The following EFCAB5 variants were observed in gnomAD, a reference collection of about 807,000 sequenced individuals.
The protein encoded by EFCAB5 is EF-hand calcium binding domain 5.
In EFCAB5, 131 loss-of-function variants were observed where a neutral mutation model predicts 167.9. That is an observed-to-expected ratio of 0.78 (90% CI 0.68 to 0.90). The LOEUF (loss-of-function observed/expected upper bound fraction) is 0.90. EFCAB5 is among the 40% of genes least tolerant of loss of function. The pLI, the probability that EFCAB5 is intolerant of heterozygous loss-of-function variation, is 0.00. For missense variants in EFCAB5, 1,663 were observed against 1,745.2 expected, an observed-to-expected ratio of 0.95 and a Z score of 0.84; for synonymous variants, 574 against 602.8, an observed-to-expected ratio of 0.95 and a Z score of 0.70.
Position 29,959,784 on chromosome 17 carries a change from T to A in EFCAB5, c.191-9007T>A, listed in dbSNP as rs546721567. Among the ~76,000 whole-genome samples the A allele has an allele frequency of 6.0e-4, 91 of 152,256 alleles. 2 individuals carry two copies. Among genetic ancestry groups the A allele is most frequent in the African/African-American group, 1.6e-3 (66 of 41,544 alleles). ...TCTCTGCCGAAGCTACGAGCTGCACTGTCTGGAGTTGGGGGAGGGGTGACA... is the reference window on the plus strand; with the variant it reads ...TCTCTGCCGAAGCTACGAGCTGCACAGTCTGGAGTTGGGGGAGGGGTGACA... On this transcript the variant is annotated intron_variant, in intron 3 of 22. Coordinates refer to ENST00000394835, the MANE Select transcript of EFCAB5 (RefSeq NM_198529.4).
intron 8 of EFCAB5, among the ~76,000 whole-genome samples, chr17:30,043,557 AGTCAATT>A (rs1212952563): frequency 2.0e-5 from 3 of 152,222 alleles, no homozygotes; most frequent in Non-Finnish European, 2.9e-5. Flanking sequence ...AATACATGGA[AGTCAATT>A]GTATTTCTAC....
intron 14 of EFCAB5, 132 bp downstream of exon 14, chr17:30,059,833 T>C: frequency 1.7e-6 from 1 of 596,250 alleles, no homozygotes; most frequent in Non-Finnish European, 2.5e-6. Context: ...CCAGTATAGA[T>C]ATACATTTAT....
chr17:30,024,319 G>C (rs2069258750), intron 7 of EFCAB5, among the ~76,000 whole-genome samples: 1 of 152,124 alleles, frequency 6.6e-6, no homozygotes, highest in Non-Finnish European at 1.5e-5. Context: ...AAGCTGATAA[G>C]CAACTTCAGC....
In EFCAB5 at chr17:29,953,845, C is replaced by T. The variant is rs191056429; in HGVS notation, c.190+10196C>T. On this transcript the variant is annotated intron_variant, in intron 3 of 22. Coordinates refer to ENST00000394835, the MANE Select transcript of EFCAB5 (RefSeq NM_198529.4). ...TGGAACTTCCTAGAGACTTGTTGAACGGCTTTGGCCAAAGTGCTTATAGTG... is the reference window on the plus strand; with the variant it reads ...TGGAACTTCCTAGAGACTTGTTGAATGGCTTTGGCCAAAGTGCTTATAGTG... 3.7e-4 allele frequency among the ~76,000 whole-genome samples: 57 copies of T among 152,298 alleles called. No individual in the cohort carries two copies. The East Asian group carries it at 9.9e-3, about 26-fold the overall frequency.
intron 7 of EFCAB5, among the ~76,000 whole-genome samples, chr17:30,016,348 T>C (rs1159160249): frequency 2.0e-5 from 3 of 152,202 alleles, no homozygotes; most frequent in East Asian, 1.9e-4. Flanking sequence ...TCCTGTGTTT[T>C]CTTCTGAGAG....
intron 7 of EFCAB5, among the ~76,000 whole-genome samples, chr17:30,014,920 T>A (rs1446167986): frequency 6.6e-6 from 1 of 152,228 alleles, no homozygotes; most frequent in Non-Finnish European, 1.5e-5. Context: ...TTGGCATGTT[T>A]TTGCAGTGGC....
intron 8 of EFCAB5, among the ~76,000 whole-genome samples, chr17:30,048,968 TA>T (rs555583505): frequency 3.4e-4 from 52 of 152,256 alleles, no homozygotes; most frequent in Admixed American, 2.8e-3. Context: ...CTGTCAAGAA[TA>T]GCAATACTTT....
At chr17:30,082,864 G>A (rs2071016338) in intron 17 of EFCAB5, 27 bp from the exon 18 acceptor site, 2 of 1,587,156 alleles carry the variant, frequency 1.3e-6, no homozygotes, top group Non-Finnish European at 1.7e-6. Context: ...AAAAAGAATA[G>A]GCTATTTGAA....
Position 30,092,094 on chromosome 17 carries a change from C to G in EFCAB5, c.4161C>G (p.Ile1387Met), listed in dbSNP as rs1209203815. ...TGCGTGACATCCTGAAGGCGGTTAT[C>G]TTGTTCTTTCATCCAGAGTTGGAAT... ...KLVRDILKAV[I>M]LFFHPELEFS... The change falls in exon 21 of 23, where the codon ATC becomes ATG. Residue 1387 changes from isoleucine to methionine, a missense_variant. Transcript: ENST00000394835. 6.2e-7 allele frequency: 1 copy of G among 1,613,910 alleles called. No individual in the cohort carries two copies. Among genetic ancestry groups the G allele is most frequent in the Non-Finnish European group, 8.5e-7 (1 of 1,179,866 alleles).
At chr17:30,075,990 A>G (rs1188212803) in intron 14 of EFCAB5, among the ~76,000 whole-genome samples, 1 of 152,238 alleles carries the variant, frequency 6.6e-6, no homozygotes, top group Non-Finnish European at 1.5e-5. Flanking sequence ...CTCAAGTAAG[A>G]GAGAACACAA....
intron 6 of EFCAB5, among the ~76,000 whole-genome samples, chr17:29,997,452 T>C (rs940725305): frequency 6.6e-6 from 1 of 151,868 alleles, no homozygotes. Flanking sequence ...AATGAATATA[T>C]ATATATATAT....
intron 3 of EFCAB5, among the ~76,000 whole-genome samples, chr17:29,954,405 T>C (rs1325804661): frequency 2.6e-5 from 4 of 152,176 alleles, no homozygotes; most frequent in Non-Finnish European, 5.9e-5. Flanking sequence ...CCACTCCAGC[T>C]GTGGCTAAAA....
intron 3 of EFCAB5, among the ~76,000 whole-genome samples, chr17:29,967,489 C>T (rs560005200): frequency 6.6e-6 from 1 of 152,332 alleles, no homozygotes; most frequent in South Asian, 2.1e-4. Context: ...TCTACATCCT[C>T]TAAACTTGGG....
intron 7 of EFCAB5, among the ~76,000 whole-genome samples, chr17:30,011,321 GT>G (rs1176737518): frequency 1.3e-5 from 2 of 152,188 alleles, no homozygotes; most frequent in African/African-American, 2.4e-5. Context: ...CTTTAAAGTA[GT>G]TTTTTCCAAT....
chr17:29,970,307 C>T (rs1040874571), intron 4 of EFCAB5, among the ~76,000 whole-genome samples: 6 of 152,174 alleles, frequency 3.9e-5, no homozygotes, highest in Admixed American at 6.5e-5. Context: ...TTCATGCATT[C>T]GTACCACACT....
chr17:29,994,841 T>A (rs1281544333), intron 5 of EFCAB5, among the ~76,000 whole-genome samples: 1 of 152,190 alleles, frequency 6.6e-6, no homozygotes, highest in Middle Eastern at 3.2e-3. Context: ...AAGACACTTG[T>A]AAGTGATGAT....
intron 6 of EFCAB5, among the ~76,000 whole-genome samples, chr17:29,998,310 G>A (rs2068589421): frequency 6.6e-6 from 1 of 152,106 alleles, no homozygotes; most frequent in East Asian, 1.9e-4. Context: ...ACTCAATTTG[G>A]GATCCTGATA....
At chr17:30,079,635 A>AT (rs972201809) in intron 15 of EFCAB5, among the ~76,000 whole-genome samples, 6 of 151,974 alleles carry the variant, frequency 3.9e-5, no homozygotes, top group Admixed American at 1.3e-4. Context: ...CCTCGAGAGC[A>AT]TTTTTTTTCA....
At chr17:30,068,572 C>A in intron 14 of EFCAB5, 1 of 928,960 alleles carries the variant, frequency 1.1e-6, no homozygotes, top group Non-Finnish European at 1.6e-6. Flanking sequence ...CATACTACCG[C>A]TGTCACCAGC....
Sources: gnomAD v4.1 joint callset for allele counts (sites outside exome capture counted in the v4.1 genomes callset) on GRCh38, gnomAD v4.1.1 for gene constraint, MANE v1.5 for transcripts, NCBI Gene and HGNC (gene_info 2026-07-23, HGNC 2026-07-21) for gene names.